Variants in GALNT13 observed in about 807,000 individuals in gnomAD.
The protein encoded by GALNT13 is polypeptide N-acetylgalactosaminyltransferase 13.
A neutral mutation model predicts 64.2 loss-of-function variants in GALNT13; 28 were observed. The observed-to-expected ratio is 0.44, with a 90% CI of 0.32 to 0.60. The LOEUF (loss-of-function observed/expected upper bound fraction) is 0.60. GALNT13 is among the 20% of genes least tolerant of loss of function. The pLI is 0.05. For synonymous variants in GALNT13, 214 were observed against 224.6 expected (o/e 0.95, Z 0.42); for missense variants, 577 against 669.8 (o/e 0.86, Z 1.53).
chr2:154,387,243 A>G (rs1028575606), intron 9 of GALNT13, among the ~76,000 whole-genome samples: 1 of 151,882 alleles, frequency 6.6e-6, no homozygotes, highest in African/African-American at 2.4e-5. Context: ...GATAATTCCA[A>G]GAAATCGCCT....
the GALNT13 span, among the ~76,000 whole-genome samples, chr2:153,558,791 GA>G: frequency 2.6e-5 from 4 of 152,134 alleles, no homozygotes; most frequent in African/African-American, 7.2e-5. Flanking sequence ...TAGCTCCACT[GA>G]AAAATCATAA....
chr2:154,236,994 A>G (rs1689227780), intron 4 of GALNT13, among the ~76,000 whole-genome samples: 1 of 151,982 alleles, frequency 6.6e-6, no homozygotes, highest in African/African-American at 2.4e-5. Context: ...TTTTTTTACA[A>G]TTAATGTCAT....
chr2:153,304,874 C>G, the GALNT13 span, among the ~76,000 whole-genome samples: 2 of 151,858 alleles, frequency 1.3e-5, no homozygotes, highest in South Asian at 2.1e-4. Flanking sequence ...AAAACATTTG[C>G]GGAGAGGGCT....
the GALNT13 span, among the ~76,000 whole-genome samples, chr2:153,293,442 T>C: frequency 1.3e-3 from 194 of 152,098 alleles, 5 homozygotes; most frequent in East Asian, 0.036. Context: ...TACTACTACC[T>C]TGAAGATGTA....
intron 9 of GALNT13, among the ~76,000 whole-genome samples, chr2:154,337,924 G>A (rs1695547005): frequency 1.3e-5 from 2 of 151,992 alleles, no homozygotes; most frequent in Non-Finnish European, 2.9e-5. Context: ...CTTAACTGGT[G>A]GGTGATGGCA....
At chr2:153,529,051 G>C in the GALNT13 span, among the ~76,000 whole-genome samples, 1 of 151,488 alleles carries the variant, frequency 6.6e-6, no homozygotes, top group South Asian at 2.1e-4. Flanking sequence ...CAAAACAGTG[G>C]AATAAAGGAA....
At chr2:153,215,545 G>T in the GALNT13 span, among the ~76,000 whole-genome samples, 1 of 152,052 alleles carries the variant, frequency 6.6e-6, no homozygotes, top group Admixed American at 6.6e-5. Context: ...CAACTTACTT[G>T]ATCGTGGATG....
Position 154,183,809 on chromosome 2 carries a change from C to T in GALNT13, c.311+43304C>T, listed in dbSNP as rs1447198792. ...TTTTTCTTTTGATTGTTTTTCTAAT[C>T]TATTTCATTTATTTCTGCTATTATC... On this transcript the variant is annotated intron_variant, in intron 4 of 12. Coordinates refer to ENST00000392825, the MANE Select transcript of GALNT13 (RefSeq NM_052917.4). Among the ~76,000 whole-genome samples, 6 of 151,990 alleles carry T rather than the reference C, an allele frequency of 3.9e-5. No homozygotes were observed. The East Asian group carries it at 7.7e-4, about 20-fold the overall frequency.
chr2:153,810,547 A>T, the GALNT13 span, among the ~76,000 whole-genome samples: 2 of 152,166 alleles, frequency 1.3e-5, no homozygotes, highest in African/African-American at 4.8e-5. Flanking sequence ...TTACAATTGT[A>T]CCCATTCTTT....
chr2:154,313,523 C>T lies in GALNT13; in HGVS notation c.1156+11934C>T, dbSNP rs145265072. On this transcript the variant is annotated intron_variant, in intron 9 of 12. Coordinates refer to ENST00000392825, the MANE Select transcript of GALNT13 (RefSeq NM_052917.4). ...AGGCTGGAGAGCAGTGGTGTGATCT[C>T]GGCTCACTACAACCTCCACCTCCCG... 2.3e-3 allele frequency among the ~76,000 whole-genome samples: 345 copies of T among 150,590 alleles called. 1 individual carries two copies. The highest frequency in any genetic ancestry group is 7.9e-3 in the African/African-American group (323 of 40,990).
intron 9 of GALNT13, among the ~76,000 whole-genome samples, chr2:154,356,121 C>T (rs1696734530): frequency 6.6e-6 from 1 of 152,050 alleles, no homozygotes; most frequent in African/African-American, 2.4e-5. Flanking sequence ...ATAAACTTCT[C>T]AGAAGTGGCT....
At chr2:153,223,329 C>G in the GALNT13 span, among the ~76,000 whole-genome samples, 1 of 152,122 alleles carries the variant, frequency 6.6e-6, no homozygotes, top group Non-Finnish European at 1.5e-5. Flanking sequence ...TCAAATTGAT[C>G]TAATTAATAG....
At chr2:153,073,262 T>A in the GALNT13 span, among the ~76,000 whole-genome samples, 1 of 152,094 alleles carries the variant, frequency 6.6e-6, no homozygotes. Flanking sequence ...CCTGTGTGGT[T>A]TTCATTGCAT....
chr2:153,937,874 T>G (rs1691057362), intron 2 of GALNT13, among the ~76,000 whole-genome samples: 1 of 152,198 alleles, frequency 6.6e-6, no homozygotes, highest in Non-Finnish European at 1.5e-5. Flanking sequence ...GATTTGACCG[T>G]GACCTTATCA....
At chr2:153,695,558 A>T in the GALNT13 span, among the ~76,000 whole-genome samples, 1 of 152,218 alleles carries the variant, frequency 6.6e-6, no homozygotes, top group African/African-American at 2.4e-5. Context: ...GGTTAAGGAC[A>T]CCCTAAATAC....
At chr2:153,682,383 T>A in the GALNT13 span, among the ~76,000 whole-genome samples, 1 of 151,710 alleles carries the variant, frequency 6.6e-6, no homozygotes, top group Non-Finnish European at 1.5e-5. Flanking sequence ...GGCCATCAAG[T>A]TTACACAGAT....
At chr2:153,725,716 T>C in the GALNT13 span, among the ~76,000 whole-genome samples, 31 of 152,088 alleles carry the variant, frequency 2.0e-4, no homozygotes, top group Non-Finnish European at 4.3e-4. Flanking sequence ...GGAAGATGGA[T>C]GCTACTGGCA....
the GALNT13 span, among the ~76,000 whole-genome samples, chr2:153,307,349 A>G: frequency 1.3e-5 from 2 of 152,146 alleles, no homozygotes; most frequent in Admixed American, 6.5e-5. Context: ...AAAGCATTAC[A>G]ATTATGCACA....
At chr2:153,666,614 C>A in the GALNT13 span, among the ~76,000 whole-genome samples, 2 of 152,162 alleles carry the variant, frequency 1.3e-5, no homozygotes, top group Non-Finnish European at 2.9e-5. Flanking sequence ...CCAAATTATA[C>A]CACCATCGAA....
Sources: gnomAD v4.1 joint callset for allele counts (sites outside exome capture counted in the v4.1 genomes callset) on GRCh38, gnomAD v4.1.1 for gene constraint, MANE v1.5 for transcripts, NCBI Gene and HGNC (gene_info 2026-07-23, HGNC 2026-07-21) for gene names.